BLACAT1: variants seen among roughly 807,000 people sequenced by gnomAD.
The protein encoded by BLACAT1 is BLACAT1 overlapping LEMD1 locus.
rs1666434914 is a variant in BLACAT1, at chr1:205,448,157, G to T, written c.-36-7095C>A. On this transcript the variant is annotated intron_variant, in intron 1 of 1. Transcript: ENST00000629624. This position sits in a 1 kb window ranked among gnomAD's most constrained non-coding sequence, Gnocchi z 4.7. The stretch of plus-strand genomic sequence containing the variant: ...GAGGAAACAGGGCCAGAAGGGAAGT[G>T]ACTGGGCCAAGGTCACACGGCTTAG... 2.7e-6 allele frequency: 1 copy of T among 367,260 alleles called. No homozygotes were observed. The highest frequency in any genetic ancestry group is 5.5e-6 in the Non-Finnish European group (1 of 182,514). 22.8% of individuals were successfully genotyped at this position (367,260 alleles called of 1,614,324 possible). A position where few individuals can be genotyped will look rare whatever the true frequency, so the allele number is the denominator to read the frequency against.
intron 1 of BLACAT1, among the ~76,000 whole-genome samples, chr1:205,444,864 C>T (rs978194233): frequency 6.6e-6 from 1 of 151,914 alleles, no homozygotes. Flanking sequence ...GCACTCTCAG[C>T]AAGGCAACCC....
At chr1:205,442,421 C>T (rs1283854823) in intron 1 of BLACAT1, among the ~76,000 whole-genome samples, 3 of 152,188 alleles carry the variant, frequency 2.0e-5, no homozygotes, top group African/African-American at 7.2e-5. Flanking sequence ...GATGGTGGCT[C>T]TCTGGACAGT....
rs1666479935 is a variant in BLACAT1 at position 205,450,416 on chromosome 1, G to A, written c.-37+5501C>T. 6.6e-6 allele frequency among the ~76,000 whole-genome samples: 1 copy of A among 150,592 alleles called. No homozygotes were observed. The highest frequency in any genetic ancestry group is 6.6e-5 in the Admixed American group (1 of 15,118). On this transcript the variant is annotated intron_variant, in intron 1 of 1. Coordinates refer to ENST00000629624, the Ensembl canonical transcript of BLACAT1. This position sits in a 1 kb window ranked among gnomAD's most constrained non-coding sequence, Gnocchi z 4.4. ...GTTTAATTTTTGGCAGGAGACCTGA[G>A]ACGGCTCCCTGCAGGCCCCCCTCTC... is the stretch of plus-strand genomic sequence containing the variant.
At chr1:205,453,418 C>T (rs1468438057) in intron 1 of BLACAT1, among the ~76,000 whole-genome samples, 1 of 152,174 alleles carries the variant, frequency 6.6e-6, no homozygotes, top group Non-Finnish European at 1.5e-5. Flanking sequence ...CATTTAACAG[C>T]TTGGGAGCCC....
intron 1 of BLACAT1, among the ~76,000 whole-genome samples, chr1:205,449,349 C>A (rs1666456030): frequency 6.9e-6 from 1 of 145,490 alleles, no homozygotes; most frequent in Admixed American, 6.7e-5. Context: ...TCCTGCTAGC[C>A]CAGGCTCAGG....
At chr1:205,451,860 G>A (rs1365030084) in intron 1 of BLACAT1, among the ~76,000 whole-genome samples, 1 of 152,150 alleles carries the variant, frequency 6.6e-6, no homozygotes, top group East Asian at 1.9e-4. Flanking sequence ...AGAAAACTGA[G>A]GTTGATGGAG....
intron 1 of BLACAT1, among the ~76,000 whole-genome samples, chr1:205,453,402 C>T (rs950468916): frequency 6.6e-6 from 1 of 152,204 alleles, no homozygotes; most frequent in African/African-American, 2.4e-5. Context: ...AGCTCAGGTT[C>T]CCTCTCATTT....
chr1:205,448,225 A>T lies in BLACAT1; in HGVS notation c.-36-7163T>A. On this transcript the variant is annotated intron_variant, in intron 1 of 1. Coordinates refer to ENST00000629624, the Ensembl canonical transcript of BLACAT1. The surrounding 1 kb of genome is among the most constrained non-coding windows in gnomAD (Gnocchi z 4.7). ...CAGATCCCGTGATGCCCCACCCCCA[A>T]GCAAAGCCTCCTTCTGGTGCCCCTT... 1 of 479,446 alleles carries T rather than the reference A, an allele frequency of 2.1e-6. No individual in the cohort carries two copies. The highest frequency in any genetic ancestry group is 2.2e-5 in the Admixed American group (1 of 46,204). 29.7% of individuals were successfully genotyped at this position (479,446 alleles called of 1,614,324 possible).
chr1:205,450,560 A>G lies in BLACAT1; in HGVS notation c.-37+5357T>C, dbSNP rs1418506824. ...AAGGTCAGCACTTATCTGTCCTTCC[A>G]TTTCCTTTCTCAGACCTGCTCGAGC... On this transcript the variant is annotated intron_variant, in intron 1 of 1. Transcript: ENST00000629624. The surrounding 1 kb of genome is among the most constrained non-coding windows in gnomAD (Gnocchi z 4.4). Among the ~76,000 whole-genome samples the G allele has an allele frequency of 6.7e-6, 1 of 150,076 alleles. No individual in the cohort carries two copies. The highest frequency in any genetic ancestry group is 2.5e-5 in the African/African-American group (1 of 40,564).
chr1:205,443,401 G>GA (rs397760725), intron 1 of BLACAT1, among the ~76,000 whole-genome samples: 2 of 151,690 alleles, frequency 1.3e-5, no homozygotes, highest in African/African-American at 4.8e-5. Context: ...GTCCTTTGGG[G>GA]AATTTAAGAA....
intron 1 of BLACAT1, among the ~76,000 whole-genome samples, chr1:205,449,364 C>T (rs986883134): frequency 6.6e-6 from 1 of 152,124 alleles, no homozygotes; most frequent in South Asian, 2.1e-4. Flanking sequence ...CTCAGGAAAG[C>T]CCCAGGGGCC....
intron 1 of BLACAT1, among the ~76,000 whole-genome samples, chr1:205,447,616 G>T (rs1486817894): frequency 6.6e-6 from 1 of 152,034 alleles, no homozygotes; most frequent in Admixed American, 6.6e-5. Flanking sequence ...CAGGCATAGG[G>T]AGGAGCCAGG....
chr1:205,451,638 A>G (rs556306178), intron 1 of BLACAT1, among the ~76,000 whole-genome samples: 1 of 152,170 alleles, frequency 6.6e-6, no homozygotes, highest in Non-Finnish European at 1.5e-5. Flanking sequence ...ACTGAGAGAC[A>G]CAGAATGGAG....
At chr1:205,444,277 T>C (rs531342915) in intron 1 of BLACAT1, among the ~76,000 whole-genome samples, 1 of 152,246 alleles carries the variant, frequency 6.6e-6, no homozygotes, top group African/African-American at 2.4e-5. Context: ...TGCATCTGAC[T>C]GCAAGCTGTT....
chr1:205,447,140 G>C (rs985028661), intron 1 of BLACAT1, among the ~76,000 whole-genome samples: 3 of 152,252 alleles, frequency 2.0e-5, no homozygotes, highest in African/African-American at 7.2e-5. Flanking sequence ...TGTGCTAAGA[G>C]CATGGGTTTT....
At chr1:205,445,603 G>A (rs931110145) in intron 1 of BLACAT1, among the ~76,000 whole-genome samples, 3 of 152,000 alleles carry the variant, frequency 2.0e-5, no homozygotes, top group Non-Finnish European at 2.9e-5. Flanking sequence ...CACTTTTCCA[G>A]ACTGCAAGGG....
chr1:205,442,438 G>T (rs1358614525), intron 1 of BLACAT1, among the ~76,000 whole-genome samples: 1 of 152,210 alleles, frequency 6.6e-6, no homozygotes, highest in Non-Finnish European at 1.5e-5. Context: ...CAGTTCCACT[G>T]GTCTGGACAA....
Position 205,441,124 on chromosome 1 carries a change from T to G in BLACAT1, c.-36-62A>C, listed in dbSNP as rs931313330. The G allele has an allele frequency of 6.6e-6, 1 of 152,472 alleles. No individual in the cohort carries two copies. The highest frequency in any genetic ancestry group is 1.5e-5 in the Non-Finnish European group (1 of 68,230). 9.4% of individuals were successfully genotyped at this position (152,472 alleles called of 1,614,324 possible). A position where few individuals can be genotyped will look rare whatever the true frequency, so the allele number is the denominator to read the frequency against. On this transcript the variant is annotated intron_variant, in intron 1 of 1. Transcript: ENST00000629624. The surrounding 1 kb of genome is among the most constrained non-coding windows in gnomAD (Gnocchi z 4.3). ...GAAAGGCAGGAAGAGAGAAGCAAGCTGGGGTTAATGCTCCCAGAACCCTCT... is the reference window on the plus strand; with the variant it reads ...GAAAGGCAGGAAGAGAGAAGCAAGCGGGGGTTAATGCTCCCAGAACCCTCT...
chr1:205,451,070 G>A (rs1666491564), intron 1 of BLACAT1, among the ~76,000 whole-genome samples: 1 of 152,128 alleles, frequency 6.6e-6, no homozygotes, highest in South Asian at 2.1e-4. Context: ...GCAGCCCAAG[G>A]GGCCCAAGGG....
Sources: allele counts gnomAD v4.1 joint callset (sites outside exome capture counted in the v4.1 genomes callset), GRCh38; gene constraint gnomAD v4.1.1; non-coding constraint Gnocchi (gnomAD v3.1); transcripts MANE v1.5; gene names NCBI Gene and HGNC (gene_info 2026-07-23, HGNC 2026-07-21).